SPAG16: variants seen among roughly 807,000 people sequenced by gnomAD.
The protein encoded by SPAG16 is sperm associated antigen 16.
A neutral mutation model predicts 80.4 loss-of-function variants in SPAG16; 86 were observed. That is an observed-to-expected ratio of 1.07 (90% confidence interval 0.90 to 1.28). The LOEUF is 1.28. Among genes scored for constraint, SPAG16 ranks in the 50% most tolerant of loss-of-function variants. The pLI is 0.00. For synonymous variants in SPAG16, 294 were observed against 265.9 expected, an observed-to-expected ratio of 1.11 and a Z score of -1.03; for missense variants, 870 against 765.3, an observed-to-expected ratio of 1.14 and a Z score of -1.61.
intron 9 of SPAG16, among the ~76,000 whole-genome samples, chr2:213,375,512 G>A (rs1016620733): frequency 2.6e-5 from 4 of 151,996 alleles, no homozygotes; most frequent in Admixed American, 2.0e-4. Context: ...GAATGAAATA[G>A]CATTATGCTC....
At chr2:213,679,907 C>G (rs913430731) in intron 10 of SPAG16, among the ~76,000 whole-genome samples, 2 of 151,986 alleles carry the variant, frequency 1.3e-5, no homozygotes, top group Non-Finnish European at 2.9e-5. Context: ...AATCTATTCA[C>G]CAATTTGGTG....
chr2:214,268,261 T>C (rs1169722925), intron 15 of SPAG16, among the ~76,000 whole-genome samples: 1 of 151,814 alleles, frequency 6.6e-6, no homozygotes, highest in Admixed American at 6.6e-5. Context: ...AGTATGAACG[T>C]TCCTTTATTG....
At chr2:213,703,436 C>T (rs929503696) in intron 10 of SPAG16, among the ~76,000 whole-genome samples, 13 of 152,190 alleles carry the variant, frequency 8.5e-5, no homozygotes, top group African/African-American at 2.9e-4. Flanking sequence ...AATTATGTCT[C>T]AGAAAACTGT....
chr2:214,254,536 C>T (rs1326819504), intron 15 of SPAG16, among the ~76,000 whole-genome samples: 3 of 151,910 alleles, frequency 2.0e-5, no homozygotes, highest in Non-Finnish European at 2.9e-5. Flanking sequence ...TTAAAACAAT[C>T]GGTCAGCTTA....
At chr2:213,562,670 G>A (rs2059631352) in intron 10 of SPAG16, among the ~76,000 whole-genome samples, 1 of 151,930 alleles carries the variant, frequency 6.6e-6, no homozygotes, top group Non-Finnish European at 1.5e-5. Context: ...GAAAGCCAAT[G>A]TCATATTTAT....
chr2:214,233,307 TG>T (rs1231335945), intron 15 of SPAG16, among the ~76,000 whole-genome samples: 7 of 151,864 alleles, frequency 4.6e-5, no homozygotes, highest in Admixed American at 4.0e-4. Context: ...TGTAGCCTTC[TG>T]TATATGTGCC....
intron 9 of SPAG16, among the ~76,000 whole-genome samples, chr2:213,478,905 G>T: frequency 6.6e-6 from 1 of 152,098 alleles, no homozygotes; most frequent in East Asian, 1.9e-4. Flanking sequence ...TACATTTAAT[G>T]AGTTATAAAT....
chr2:214,013,065 C>A (rs2124956544), intron 12 of SPAG16, among the ~76,000 whole-genome samples: 1 of 152,150 alleles, frequency 6.6e-6, no homozygotes, highest in South Asian at 2.1e-4. Flanking sequence ...ATTCTCAGCC[C>A]TAAAGGCATA....
chr2:214,151,336 T>C (rs1459298690), intron 15 of SPAG16, among the ~76,000 whole-genome samples: 1 of 152,036 alleles, frequency 6.6e-6, no homozygotes, highest in Non-Finnish European at 1.5e-5. Context: ...TGCTAGAAAT[T>C]ATGTTCATCT....
chr2:214,029,327 G>A (rs1423212025), intron 13 of SPAG16, among the ~76,000 whole-genome samples: 1 of 152,038 alleles, frequency 6.6e-6, no homozygotes. Context: ...TGAGGCCAGA[G>A]AGTGTTGGTG....
At chr2:213,518,432 T>C (rs2075530454) in intron 10 of SPAG16, among the ~76,000 whole-genome samples, 2 of 152,192 alleles carry the variant, frequency 1.3e-5, no homozygotes, top group South Asian at 2.1e-4. Context: ...GGTTTTTTTT[T>C]CCTGTAGAGA....
intron 15 of SPAG16, among the ~76,000 whole-genome samples, chr2:214,165,128 A>ATAATT (rs1216756685): frequency 6.6e-6 from 1 of 152,130 alleles, no homozygotes; most frequent in Non-Finnish European, 1.5e-5. Context: ...AGCCTGACAG[A>ATAATT]CATAAGTTTT....
chr2:214,038,088 T>C (rs2048806369), intron 13 of SPAG16, among the ~76,000 whole-genome samples: 2 of 152,186 alleles, frequency 1.3e-5, no homozygotes, highest in Admixed American at 6.5e-5. Flanking sequence ...GCTCTGTTAT[T>C]TTATGTAATA....
chr2:214,181,401 T>C (rs1012123166), intron 15 of SPAG16, among the ~76,000 whole-genome samples: 12 of 151,646 alleles, frequency 7.9e-5, no homozygotes, highest in Non-Finnish European at 1.3e-4. Flanking sequence ...TATGATGGGA[T>C]TTTCAAGGCA....
chr2:213,447,455 A>G (rs543395665), intron 9 of SPAG16, among the ~76,000 whole-genome samples: 3 of 152,304 alleles, frequency 2.0e-5, no homozygotes, highest in Admixed American at 6.5e-5. Flanking sequence ...ACCCCATGAT[A>G]AATCCCCTTT....
chr2:214,188,935 G>T (rs1404198642), intron 15 of SPAG16, among the ~76,000 whole-genome samples: 2 of 152,078 alleles, frequency 1.3e-5, no homozygotes, highest in East Asian at 3.9e-4. Context: ...TGTCAGTCTG[G>T]GTGTGATTTA....
chr2:213,986,479 T>C (rs756395205), intron 12 of SPAG16, among the ~76,000 whole-genome samples: 5 of 152,038 alleles, frequency 3.3e-5, no homozygotes, highest in Non-Finnish European at 5.9e-5. Flanking sequence ...TTTATGTTTA[T>C]ACATTAGCTT....
intron 9 of SPAG16, among the ~76,000 whole-genome samples, chr2:213,433,814 ACTGGAGGTACTGCATTAC>A (rs1464140028): frequency 6.6e-6 from 1 of 152,042 alleles, no homozygotes; most frequent in Non-Finnish European, 1.5e-5. Flanking sequence ...AAAGAATAAA[ACTGGAGGTACTGCATTAC>A]CTAACCTCAC....
chr2:214,409,369 A>G (rs904716540), intron 15 of SPAG16, among the ~76,000 whole-genome samples: 6 of 152,100 alleles, frequency 3.9e-5, no homozygotes, highest in Non-Finnish European at 5.9e-5. Flanking sequence ...ACTTAACTCC[A>G]AGTCCCATGA....
Sources: gnomAD v4.1 joint callset for allele counts (sites outside exome capture counted in the v4.1 genomes callset) on GRCh38, gnomAD v4.1.1 for gene constraint, MANE v1.5 for transcripts, NCBI Gene and HGNC (gene_info 2026-07-23, HGNC 2026-07-21) for gene names.